Variants in WDR33 observed in about 807,000 individuals in gnomAD.
WDR33 encodes pre-mRNA 3' end processing protein WDR33.
Under a neutral mutation model 164.9 loss-of-function variants are expected in WDR33, and 47 were observed. The ratio of observed to expected loss-of-function variants is 0.29; its 90% CI spans 0.23 to 0.36. The LOEUF is 0.36. Among genes scored for constraint, WDR33 ranks in the 10% least tolerant of loss-of-function variants. The pLI is 1.00. For synonymous variants in WDR33, 505 were observed against 589.0 expected, an observed-to-expected ratio of 0.86 and a Z score of 2.06; for missense variants, 1,137 against 1,754.1, an observed-to-expected ratio of 0.65 and a Z score of 6.28.
chr2:127,777,339 C>T (rs761399631), intron 1 of WDR33, among the ~76,000 whole-genome samples: 3 of 152,144 alleles, frequency 2.0e-5, no homozygotes, highest in Non-Finnish European at 2.9e-5. Flanking sequence ...AGTTTTCAGA[C>T]TTTGTGGTGC....
At chr2:127,781,755 T>C (rs71419002) in intron 1 of WDR33, among the ~76,000 whole-genome samples, 20,118 of 151,362 alleles carry the variant, frequency 0.13, 1,454 homozygotes, top group South Asian at 0.26. Context: ...TCCTAGCACT[T>C]CCGGAGGCCG....
At chr2:127,768,782 C>A (rs1037712050) in intron 3 of WDR33, 151 bp downstream of exon 3, 18 of 462,516 alleles carry the variant, frequency 3.9e-5, no homozygotes, top group Non-Finnish European at 5.6e-5. Flanking sequence ...CCATGGCTTA[C>A]ACAGATGTGT....
intron 7 of WDR33, among the ~76,000 whole-genome samples, chr2:127,742,164 G>A (rs900752387): frequency 1.3e-5 from 2 of 151,904 alleles, no homozygotes; most frequent in African/African-American, 4.8e-5. Flanking sequence ...AGTGAGCTGA[G>A]ATCGTGCCAT....
chr2:127,768,920 A>G lies in WDR33; in HGVS notation c.273+13T>C, dbSNP rs1242579335. The G allele has an allele frequency of 5.0e-6, 8 of 1,590,488 alleles. No homozygotes were observed. Among genetic ancestry groups the G allele is most frequent in the Non-Finnish European group, 6.9e-6 (8 of 1,166,592 alleles). On this transcript the variant is annotated intron_variant, in intron 3 of 21. Coordinates refer to ENST00000322313, the MANE Select transcript of WDR33 (RefSeq NM_018383.5). ...AGTGTTTATTAAGCTAGTATGACACATCATGTACTTACATCATTGTAATAA... is the reference window on the plus strand; with the variant it reads ...AGTGTTTATTAAGCTAGTATGACACGTCATGTACTTACATCATTGTAATAA...
At chr2:127,803,544 G>A (rs1164114247) in intron 1 of WDR33, among the ~76,000 whole-genome samples, 1 of 152,026 alleles carries the variant, frequency 6.6e-6, no homozygotes, top group Non-Finnish European at 1.5e-5. Context: ...CTCCAGCCTA[G>A]GTGACAGAGG....
intron 7 of WDR33, among the ~76,000 whole-genome samples, chr2:127,750,783 TAC>T (rs1364495682): frequency 5.3e-5 from 7 of 131,764 alleles, no homozygotes; most frequent in Non-Finnish European, 7.8e-5. Context: ...CACATATATA[TAC>T]ACACATATGG....
intron 7 of WDR33, among the ~76,000 whole-genome samples, chr2:127,730,464 A>T (rs1573894621): frequency 7.8e-6 from 1 of 128,454 alleles, no homozygotes; most frequent in South Asian, 2.3e-4. Flanking sequence ...TAAGTGGATT[A>T]AAAAAAAACC....
intron 1 of WDR33, among the ~76,000 whole-genome samples, chr2:127,781,858 C>T (rs528874225): frequency 2.6e-5 from 4 of 151,844 alleles, no homozygotes; most frequent in Admixed American, 1.3e-4. Flanking sequence ...ATTAACCAGG[C>T]GTGGTGGCAC....
rs1297784254 is a variant in WDR33 at position 127,724,477 on chromosome 2, CAA to C, written c.1086-36_1086-35del. 2 of 1,580,452 alleles carry C rather than the reference CAA, an allele frequency of 1.3e-6. No individual in the cohort carries two copies. Among genetic ancestry groups the C allele is most frequent in the African/African-American group, 1.3e-5 (1 of 74,110 alleles). On this transcript the variant is annotated intron_variant, in intron 10 of 21. Transcript: ENST00000322313. The surrounding 1 kb of genome is among the most constrained non-coding windows in gnomAD (Gnocchi z 4.8). ...GCACCAAAGAGAGAAGATTTGTTCACAAAAGTTACCCAGCTTCTCCCTCCCCC... is the reference window on the plus strand; with the variant it reads ...GCACCAAAGAGAGAAGATTTGTTCACAAGTTACCCAGCTTCTCCCTCCCCC...
At chr2:127,728,006 G>A (rs1686612739) in intron 7 of WDR33, among the ~76,000 whole-genome samples, 1 of 152,186 alleles carries the variant, frequency 6.6e-6, no homozygotes, top group African/African-American at 2.4e-5. Flanking sequence ...CCCCGTACTG[G>A]CAAGCATGTA....
Position 127,730,942 on chromosome 2 carries a change from G to GA in WDR33, c.725-4166dup, listed in dbSNP as rs58519080. ...GTTTAGGTATGTTTTTAATATGAAG[G>GA]AAAAAAAAAACACCACTGAATGCAA... On this transcript the variant is annotated intron_variant, in intron 7 of 21. Transcript: ENST00000322313. Among the ~76,000 whole-genome samples the GA allele has an allele frequency of 9.2e-4, 133 of 144,598 alleles. 1 individual carries two copies. Among genetic ancestry groups the GA allele is most frequent in the African/African-American group, 3.0e-3 (117 of 38,528 alleles). The allele number at this position is 144,598 out of a possible 152,430, so 94.9% of individuals were successfully genotyped here.
Position 127,702,029 on chromosome 2 carries a change from G to A in WDR33, c.*4294C>T, listed in dbSNP as rs1329521922. The A allele has an allele frequency of 1.7e-5, 22 of 1,287,284 alleles. No homozygotes were observed. The highest frequency in any genetic ancestry group is 2.2e-5 in the Non-Finnish European group (22 of 1,019,510). The allele number at this position is 1,287,284 out of a possible 1,614,324, so 79.7% of individuals were successfully genotyped here. The stretch of plus-strand genomic sequence containing the variant: ...CCGCGCTGGGCCTTCGCAGCACGCT[G>A]CTCACGGTGCTGGGCGCGGGCGCGC... On this transcript the variant is annotated 3_prime_UTR_variant, in exon 22 of 22. Coordinates refer to ENST00000322313, the MANE Select transcript of WDR33 (RefSeq NM_018383.5).
In WDR33 at chr2:127,722,214, A is replaced by G. The variant is rs145782765; in HGVS notation, c.1519-226T>C. ...TAAAAGCTGCAAGACACTGCATGTTATTAAGAATGCAAAGCTTGCCAGCCT... is the reference window on the plus strand; with the variant it reads ...TAAAAGCTGCAAGACACTGCATGTTGTTAAGAATGCAAAGCTTGCCAGCCT... On this transcript the variant is annotated intron_variant, in intron 14 of 21. Transcript: ENST00000322313. This position sits in a 1 kb window ranked among gnomAD's most constrained non-coding sequence, Gnocchi z 5.1. Among the ~76,000 whole-genome samples, 28 of 152,346 alleles carry G rather than the reference A, an allele frequency of 1.8e-4. No homozygotes were observed. Among genetic ancestry groups the G allele is most frequent in the African/African-American group, 6.3e-4 (26 of 41,592 alleles).
chr2:127,809,024 CTT>C (rs1381971379), intron 1 of WDR33, among the ~76,000 whole-genome samples: 4 of 106,960 alleles, frequency 3.7e-5, no homozygotes, highest in Admixed American at 1.2e-4. Context: ...GAGCGAAACT[CTT>C]GTCTCAAAAA....
intron 7 of WDR33, chr2:127,762,405 T>C (rs1687703749): frequency 1.6e-6 from 1 of 626,686 alleles, no homozygotes; most frequent in South Asian, 7.2e-5. Context: ...ATTGATGTAC[T>C]GTTAATATTT....
chr2:127,798,063 A>G (rs923146015), intron 1 of WDR33, among the ~76,000 whole-genome samples: 5 of 151,888 alleles, frequency 3.3e-5, no homozygotes, highest in Admixed American at 1.3e-4. Context: ...CCTTTCTTAA[A>G]CCTTGCTTAA....
In WDR33 at chr2:127,720,241, G is replaced by A. The variant is rs747551444; in HGVS notation, c.1784C>T (p.Ser595Phe). 4 of 1,586,158 alleles carry A rather than the reference G, an allele frequency of 2.5e-6. No homozygotes were observed. In the East Asian group the frequency reaches 6.7e-5, roughly 27 times the overall value. Residue 595 changes from serine to phenylalanine, a missense_variant, in exon 16 of 22, where the codon TCT becomes TTT. Ser to Phe is a radical substitution (Grantham distance 155). Coordinates refer to ENST00000322313, the MANE Select transcript of WDR33 (RefSeq NM_018383.5). This position sits in a 1 kb window ranked among gnomAD's most constrained non-coding sequence, Gnocchi z 5.9. ...PQPFPGQGPM[S>F]QIPQGFQQPH... ...CTGTTGAAAACCTTGAGGAATCTGA[G>A]ACATTGGACCTTGTCCTGGAAAAGG...
At chr2:127,734,272 G>T (rs1686783848) in intron 7 of WDR33, among the ~76,000 whole-genome samples, 1 of 152,158 alleles carries the variant, frequency 6.6e-6, no homozygotes, top group African/African-American at 2.4e-5. Context: ...ATCACACTGA[G>T]TTATTTTTAG....
chr2:127,779,404 T>C (rs538111920), intron 1 of WDR33, among the ~76,000 whole-genome samples: 1 of 151,954 alleles, frequency 6.6e-6, no homozygotes, highest in Non-Finnish European at 1.5e-5. Flanking sequence ...AGGCAGAGGT[T>C]GCAGGGAGCC....
Sources: allele counts gnomAD v4.1 joint callset (sites outside exome capture counted in the v4.1 genomes callset), GRCh38; gene constraint gnomAD v4.1.1; non-coding constraint Gnocchi (gnomAD v3.1); transcripts MANE v1.5; gene names NCBI Gene and HGNC (gene_info 2026-07-23, HGNC 2026-07-21).